The following PDE1B variants were observed in gnomAD, a reference collection of about 807,000 sequenced individuals.
PDE1B encodes the protein dual specificity calcium/calmodulin-dependent 3',5'-cyclic nucleotide phosphodiesterase 1B.
In PDE1B, 13 loss-of-function variants were observed where a neutral mutation model predicts 66.7. The observed-to-expected ratio is 0.19, with a 90% CI of 0.13 to 0.31. The LOEUF (loss-of-function observed/expected upper bound fraction) is 0.31, where lower values mean the gene tolerates loss of function less well. Ranked by LOEUF, PDE1B falls within the 10% of genes least tolerant of loss-of-function variation. The pLI is 1.00. For missense variants in PDE1B, 485 were observed against 682.3 expected, an observed-to-expected ratio of 0.71 and a Z score of 3.22; for synonymous variants, 230 against 253.9, an observed-to-expected ratio of 0.91 and a Z score of 0.90.
rs1957731737 is a variant in PDE1B at position 54,575,862 on chromosome 12, T to C, written c.1268-130T>C. ...CAAAGCCTGCCCTGCATTGGGAAGT[T>C]TTCAGCCCCAGGTTACCTCTCCATC... On this transcript the variant is annotated intron_variant, in intron 12 of 15. Coordinates refer to ENST00000243052, the MANE Select transcript of PDE1B (RefSeq NM_000924.4). The surrounding 1 kb of genome is among the most constrained non-coding windows in gnomAD (Gnocchi z 4.0). 2.5e-6 allele frequency: 2 copies of C among 798,770 alleles called. No individual in the cohort carries two copies. The highest frequency in any genetic ancestry group is 3.0e-5 in the South Asian group (2 of 66,992). 49.5% of individuals were successfully genotyped at this position (798,770 alleles called of 1,614,324 possible). A position where few individuals can be genotyped will look rare whatever the true frequency, so the allele number is the denominator to read the frequency against.
At chr12:54,559,615 T>C (rs1957381354) in intron 2 of PDE1B, among the ~76,000 whole-genome samples, 1 of 152,178 alleles carries the variant, frequency 6.6e-6, no homozygotes, top group Non-Finnish European at 1.5e-5. Flanking sequence ...GTATGCAGCA[T>C]GCATACCTGG....
In PDE1B at chr12:54,578,714, A is replaced by T. The variant is rs1957812466; in HGVS notation, c.*872A>T. 6.6e-6 allele frequency: 1 copy of T among 152,200 alleles called. No homozygotes were observed. Among genetic ancestry groups the T allele is most frequent in the East Asian group, 1.9e-4 (1 of 5,180 alleles). The allele number at this position is 152,200 out of a possible 1,614,324, so 9.4% of individuals were successfully genotyped here. Reference sequence around the variant, plus strand: ...AGTGCTTTGAGGATCTCCCCAGCAAAGCACCTTCAGAATGTATCGACACCA... The same window carrying T: ...AGTGCTTTGAGGATCTCCCCAGCAATGCACCTTCAGAATGTATCGACACCA... On this transcript the variant is annotated 3_prime_UTR_variant, in exon 16 of 16. Coordinates refer to ENST00000243052, the MANE Select transcript of PDE1B (RefSeq NM_000924.4).
rs1957646061 is a variant in PDE1B, at chr12:54,573,078, T to C, written c.736-70T>C. On this transcript the variant is annotated intron_variant, in intron 7 of 15. Transcript: ENST00000243052. This position sits in a 1 kb window ranked among gnomAD's most constrained non-coding sequence, Gnocchi z 5.2. ...GGGATGGGATGAGTGATCTAGCCTG[T>C]GTGTGGAGGTTCCTGGGAAGTGACC... The C allele has an allele frequency of 9.3e-7, 1 of 1,078,820 alleles. No individual in the cohort carries two copies. The highest frequency in any genetic ancestry group is 1.7e-5 in the Admixed American group (1 of 58,916). The allele number at this position is 1,078,820 out of a possible 1,614,324, so 66.8% of individuals were successfully genotyped here. A position where few individuals can be genotyped will look rare whatever the true frequency, so the allele number is the denominator to read the frequency against.
In PDE1B at chr12:54,573,102, C is replaced by G. The variant is rs775323658; in HGVS notation, c.736-46C>G. 33 of 1,392,368 alleles carry G rather than the reference C, an allele frequency of 2.4e-5. No homozygotes were observed. The highest frequency in any genetic ancestry group is 3.2e-5 in the Non-Finnish European group (31 of 978,518). The allele number at this position is 1,392,368 out of a possible 1,614,324, so 86.3% of individuals were successfully genotyped here. ...GTGTGTGGAGGTTCCTGGGAAGTGA[C>G]CAGCAGGCGTCACCCCTCTCTCATT... On this transcript the variant is annotated intron_variant, in intron 7 of 15. Coordinates refer to ENST00000243052, the MANE Select transcript of PDE1B (RefSeq NM_000924.4). This position sits in a 1 kb window ranked among gnomAD's most constrained non-coding sequence, Gnocchi z 5.2.
chr12:54,576,719 G>T lies in PDE1B; in HGVS notation c.1507+18G>T. The T allele has an allele frequency of 6.3e-7, 1 of 1,588,368 alleles. No individual in the cohort carries two copies. Among genetic ancestry groups the T allele is most frequent in the South Asian group, 1.1e-5 (1 of 87,946 alleles). Reference sequence around the variant, plus strand: ...AGCAAGTGGTGGGTACCATGGCAGAGGGCAGGGGTGAGAACTTGTGTGGGT... The same window carrying T: ...AGCAAGTGGTGGGTACCATGGCAGATGGCAGGGGTGAGAACTTGTGTGGGT... On this transcript the variant is annotated intron_variant, in intron 14 of 15. Coordinates refer to ENST00000243052, the MANE Select transcript of PDE1B (RefSeq NM_000924.4).
rs1047423379 is a variant in PDE1B, at chr12:54,549,605, C to CGCG, written c.-167_-165dup. 5 of 448,768 alleles carry CGCG rather than the reference C, an allele frequency of 1.1e-5. No individual in the cohort carries two copies. Among genetic ancestry groups the CGCG allele is most frequent in the African/African-American group, 8.3e-5 (4 of 48,186 alleles). 27.8% of individuals were successfully genotyped at this position (448,768 alleles called of 1,614,324 possible). ...AGGCGAGGAGGCGGCTCTGGCAGCG[C>CGCG]GCGGCGGCGGCGGCGGTAGCGGCAG... On this transcript the variant is annotated 5_prime_UTR_variant, in exon 1 of 16. Coordinates refer to ENST00000243052, the MANE Select transcript of PDE1B (RefSeq NM_000924.4).
chr12:54,554,405 C>T (rs895469149), intron 2 of PDE1B: 2 of 152,204 alleles, frequency 1.3e-5, no homozygotes, highest in Non-Finnish European at 2.9e-5. Context: ...GTGCTATCCT[C>T]AGCAGATTAG....
chr12:54,552,892 G>GGGAAGAAGACC (rs1565690343), intron 2 of PDE1B, among the ~76,000 whole-genome samples: 1 of 152,228 alleles, frequency 6.6e-6, no homozygotes, highest in African/African-American at 2.4e-5. Context: ...TTTAGGGAAT[G>GGGAAGAAGACC]GGAAGAAGAC....
chr12:54,575,312 T>A lies in PDE1B; in HGVS notation c.1185+94T>A. On this transcript the variant is annotated intron_variant, in intron 11 of 15. Coordinates refer to ENST00000243052, the MANE Select transcript of PDE1B (RefSeq NM_000924.4). The surrounding 1 kb of genome is among the most constrained non-coding windows in gnomAD (Gnocchi z 4.0). ...CCAATCCTGTTCCACATCCTCCTTTTGCTACCTGTAGTCTCTGACCTGATC... is the reference window on the plus strand; with the variant it reads ...CCAATCCTGTTCCACATCCTCCTTTAGCTACCTGTAGTCTCTGACCTGATC... 1 of 1,146,382 alleles carries A rather than the reference T, an allele frequency of 8.7e-7. No homozygotes were observed. Among genetic ancestry groups the A allele is most frequent in the Non-Finnish European group, 1.3e-6 (1 of 768,138 alleles). 71.0% of individuals were successfully genotyped at this position (1,146,382 alleles called of 1,614,324 possible). A position where few individuals can be genotyped will look rare whatever the true frequency, so the allele number is the denominator to read the frequency against.
At position 54,573,317 on chromosome 12, in the gene PDE1B, C is replaced by G; in HGVS notation, c.837-38C>G. 6.2e-7 allele frequency: 1 copy of G among 1,614,010 alleles called. No homozygotes were observed. Among genetic ancestry groups the G allele is most frequent in the South Asian group, 1.1e-5 (1 of 91,080 alleles). ...GGTGGGGAGGTTGCCGGAGTCCCTC[C>G]TTACAGGGGGTGGTCATGATGACCT... On this transcript the variant is annotated intron_variant, in intron 8 of 15. Transcript: ENST00000243052. This position sits in a 1 kb window ranked among gnomAD's most constrained non-coding sequence, Gnocchi z 5.2.
At chr12:54,570,201 C>T (rs1565701231) in intron 5 of PDE1B, 40 bp from the exon 6 acceptor site, 1 of 1,227,858 alleles carries the variant, frequency 8.1e-7, no homozygotes, top group East Asian at 2.3e-5. Context: ...TCAACCCTTG[C>T]TGCTGCTGGA....
At chr12:54,552,580 G>A (rs1371103935) in intron 2 of PDE1B, among the ~76,000 whole-genome samples, 1 of 152,162 alleles carries the variant, frequency 6.6e-6, no homozygotes, top group Non-Finnish European at 1.5e-5. Context: ...ATATAATAGT[G>A]CAGGGCAATT....
intron 2 of PDE1B, among the ~76,000 whole-genome samples, chr12:54,553,795 C>T (rs1202359243): frequency 6.6e-6 from 1 of 151,906 alleles, no homozygotes; most frequent in Non-Finnish European, 1.5e-5. Context: ...CAGGACAGAG[C>T]CTGGAACTGA....
chr12:54,559,488 G>A (rs911085372), intron 2 of PDE1B, among the ~76,000 whole-genome samples: 24 of 152,070 alleles, frequency 1.6e-4, no homozygotes, highest in Non-Finnish European at 3.2e-4. Context: ...AGTGTGGGGT[G>A]TGTGTATATG....
intron 2 of PDE1B, among the ~76,000 whole-genome samples, chr12:54,552,686 G>C (rs1027899937): frequency 2.0e-5 from 3 of 152,194 alleles, no homozygotes; most frequent in African/African-American, 4.8e-5. Flanking sequence ...GAGCTGAAGA[G>C]AATCTCTTAA....
Position 54,569,480 on chromosome 12 carries a change from C to A in PDE1B, c.411-66C>A. On this transcript the variant is annotated intron_variant, in intron 4 of 15. Coordinates refer to ENST00000243052, the MANE Select transcript of PDE1B (RefSeq NM_000924.4). This position sits in a 1 kb window ranked among gnomAD's most constrained non-coding sequence, Gnocchi z 4.4. ...TGATCCCATGGCTCATCCCCACATC[C>A]CCAGCTGGCCACACCTCCACTCCCA... 1 of 1,584,082 alleles carries A rather than the reference C, an allele frequency of 6.3e-7. No homozygotes were observed. Among genetic ancestry groups the A allele is most frequent in the Non-Finnish European group, 8.7e-7 (1 of 1,153,448 alleles).
intron 2 of PDE1B, among the ~76,000 whole-genome samples, chr12:54,558,735 T>C (rs1310360311): frequency 6.6e-6 from 1 of 152,156 alleles, no homozygotes; most frequent in Admixed American, 6.5e-5. Context: ...CCCACCAATA[T>C]CCAGGTGCCA....
chr12:54,552,659 T>C (rs988857417), intron 2 of PDE1B, among the ~76,000 whole-genome samples: 30 of 152,220 alleles, frequency 2.0e-4, no homozygotes, highest in African/African-American at 7.2e-4. Flanking sequence ...AAATTCAGAA[T>C]CTAATCTGTA....
chr12:54,576,328 C>T (rs1166938907), intron 13 of PDE1B: 4 of 608,384 alleles, frequency 6.6e-6, no homozygotes, highest in South Asian at 2.0e-5. Context: ...CATTAGCTGT[C>T]TTTCTGCCTT....
Sources: allele counts gnomAD v4.1 joint callset (sites outside exome capture counted in the v4.1 genomes callset), GRCh38; gene constraint gnomAD v4.1.1; non-coding constraint Gnocchi (gnomAD v3.1); transcripts MANE v1.5; gene names NCBI Gene and HGNC (gene_info 2026-07-23, HGNC 2026-07-21).